Variants in PCDHA9 observed in about 807,000 individuals in gnomAD.
PCDHA9 encodes protocadherin alpha 9, also known as protocadherin alpha-9.
In PCDHA9, 62 loss-of-function variants were observed where a neutral mutation model predicts 62.0. That is an observed-to-expected ratio of 1.00 (90% confidence interval 0.81 to 1.23). The LOEUF is 1.23. PCDHA9 is among the 50% of genes most tolerant of loss of function. The probability of loss-of-function intolerance (pLI) is 0.00; values close to 1 mark genes in which losing one functional copy is unlikely to be tolerated. For missense variants in PCDHA9, 1,205 were observed against 1,249.8 expected, an observed-to-expected ratio of 0.96 and a Z score of 0.54; for synonymous variants, 557 against 567.6, an observed-to-expected ratio of 0.98 and a Z score of 0.27.
At chr5:140,887,039 T>G (rs1396033565) in intron 1 of PCDHA9, among the ~76,000 whole-genome samples, 2 of 152,156 alleles carry the variant, frequency 1.3e-5, no homozygotes, top group African/African-American at 4.8e-5. Flanking sequence ...TTAATATTTT[T>G]TATAGTGCAT....
intron 1 of PCDHA9, among the ~76,000 whole-genome samples, chr5:140,975,967 A>C (rs2096692306): frequency 6.6e-6 from 1 of 152,176 alleles, no homozygotes; most frequent in African/African-American, 2.4e-5. Context: ...TCACCAATAG[A>C]AAGTAAGCAT....
intron 1 of PCDHA9, chr5:140,968,079 C>T (rs782150880): frequency 5.0e-6 from 8 of 1,614,142 alleles, no homozygotes; most frequent in Admixed American, 3.3e-5. Flanking sequence ...TACAACATCA[C>T]GGTGACAGCC....
chr5:140,997,156 C>G (rs1266627646), intron 3 of PCDHA9, among the ~76,000 whole-genome samples: 1 of 152,106 alleles, frequency 6.6e-6, no homozygotes, highest in Non-Finnish European at 1.5e-5. Flanking sequence ...CAGTGACATC[C>G]TGCCCAGAGT....
At chr5:140,858,685 T>C in intron 1 of PCDHA9, 1 of 595,990 alleles carries the variant, frequency 1.7e-6, no homozygotes, top group Non-Finnish European at 2.8e-6. Flanking sequence ...AATACACTAA[T>C]ATTTTCCAAT....
chr5:140,877,661 G>C, intron 1 of PCDHA9: 1 of 1,613,572 alleles, frequency 6.2e-7, no homozygotes. Flanking sequence ...CCCACCGTGA[G>C]CCGGTGCGCG....
intron 3 of PCDHA9, among the ~76,000 whole-genome samples, chr5:140,988,287 C>A (rs2097291303): frequency 6.6e-6 from 1 of 152,240 alleles, no homozygotes; most frequent in Non-Finnish European, 1.5e-5. Context: ...TGCCATCTGA[C>A]AGCCCAGGAG....
At chr5:140,965,281 G>A (rs574183012) in intron 1 of PCDHA9, among the ~76,000 whole-genome samples, 1 of 152,310 alleles carries the variant, frequency 6.6e-6, no homozygotes, top group African/African-American at 2.4e-5. Flanking sequence ...GACACAGCAT[G>A]GAAAGATTTC....
intron 1 of PCDHA9, among the ~76,000 whole-genome samples, chr5:140,943,453 G>T (rs545980639): frequency 3.3e-4 from 50 of 152,158 alleles, no homozygotes; most frequent in Admixed American, 2.6e-4. Context: ...GAATTGATAA[G>T]GCTAAATGTG....
rs1485742296 is a variant in PCDHA9, at chr5:140,974,143, T to C, written c.2395-4806T>C. On this transcript the variant is annotated intron_variant, in intron 1 of 3. Transcript: ENST00000532602. ...GTTTTAAATCTGCTAACCTGAAAACTATACAAGGGTTTTTCTTTCAAGAAT... is the reference window on the plus strand; with the variant it reads ...GTTTTAAATCTGCTAACCTGAAAACCATACAAGGGTTTTTCTTTCAAGAAT... 2.0e-5 allele frequency among the ~76,000 whole-genome samples: 3 copies of C among 152,324 alleles called. No homozygotes were observed. The East Asian group carries it at 5.8e-4, about 29-fold the overall frequency.
chr5:140,896,486 C>T (rs2065571972), intron 1 of PCDHA9, among the ~76,000 whole-genome samples: 2 of 151,948 alleles, frequency 1.3e-5, no homozygotes, highest in African/African-American at 4.8e-5. Context: ...CCTCAGCCTC[C>T]TGAGTAGCTG....
chr5:140,893,693 T>G (rs868968555), intron 1 of PCDHA9, among the ~76,000 whole-genome samples: 43 of 152,366 alleles, frequency 2.8e-4, no homozygotes, highest in Middle Eastern at 3.4e-3. Context: ...CATCTCATTC[T>G]ATCCTAGCCT....
intron 3 of PCDHA9, among the ~76,000 whole-genome samples, chr5:140,992,017 CTGTG>C (rs10602499): frequency 0.28 from 40,265 of 145,404 alleles, 5,754 homozygotes; most frequent in East Asian, 0.38. Flanking sequence ...AGAGGTGGCT[CTGTG>C]TGTGTGTGTG....
In PCDHA9 at chr5:141,010,203, C is replaced by T; in HGVS notation, c.*266C>T. ...AGACCCAAGTTTCCTTTCTCCTCCG[C>T]CGCAAAGGAGAGGCTTCCCAGCCCC... On this transcript the variant is annotated 3_prime_UTR_variant, in exon 4 of 4. Coordinates refer to ENST00000532602, the MANE Select transcript of PCDHA9 (RefSeq NM_031857.2). The T allele has an allele frequency of 1.3e-6, 2 of 1,552,032 alleles. No homozygotes were observed. Among genetic ancestry groups the T allele is most frequent in the Non-Finnish European group, 1.7e-6 (2 of 1,147,066 alleles).
At chr5:140,892,350 T>C (rs1195187313) in intron 1 of PCDHA9, among the ~76,000 whole-genome samples, 1 of 152,262 alleles carries the variant, frequency 6.6e-6, no homozygotes, top group Non-Finnish European at 1.5e-5. Context: ...AATTGACTTT[T>C]GCCAGGCATC....
At position 140,884,430 on chromosome 5, in the gene PCDHA9, T is replaced by G. The variant is rs1554181548; in HGVS notation, c.2394+33541T>G. The G allele has an allele frequency of 2.5e-6, 4 of 1,613,804 alleles. No homozygotes were observed. The African/African-American group carries it at 4.0e-5, about 16-fold the overall frequency. ...CTCACGTTGCTGCTGTATACTGCGC[T>G]GCGGTGCTCGGCACCGCCCACCGAG... On this transcript the variant is annotated intron_variant, in intron 1 of 3. Transcript: ENST00000532602.
intron 1 of PCDHA9, chr5:140,857,699 C>G: frequency 6.3e-7 from 1 of 1,597,158 alleles, no homozygotes; most frequent in South Asian, 1.1e-5. Context: ...CTTGACGCTG[C>G]AGGTGTTCGT....
At chr5:140,918,548 A>G (rs1360159345) in intron 1 of PCDHA9, among the ~76,000 whole-genome samples, 3 of 152,192 alleles carry the variant, frequency 2.0e-5, no homozygotes, top group Non-Finnish European at 4.4e-5. Context: ...TCCATGTGCA[A>G]TTGAGAAGAA....
intron 1 of PCDHA9, among the ~76,000 whole-genome samples, chr5:140,946,992 A>G (rs1393633852): frequency 6.6e-6 from 1 of 151,790 alleles, no homozygotes; most frequent in Non-Finnish European, 1.5e-5. Context: ...TGAGTGTTCT[A>G]ACTTCAAAGA....
At chr5:140,875,906 C>T in intron 1 of PCDHA9, 1 of 1,614,204 alleles carries the variant, frequency 6.2e-7, no homozygotes, top group East Asian at 2.2e-5. Flanking sequence ...GTTTCTGAAT[C>T]TGCGCCTCTG....
Sources: gnomAD v4.1 joint callset for allele counts (sites outside exome capture counted in the v4.1 genomes callset) on GRCh38, gnomAD v4.1.1 for gene constraint, MANE v1.5 for transcripts, NCBI Gene and HGNC (gene_info 2026-07-23, HGNC 2026-07-21) for gene names.